ZNF407: variants seen among roughly 807,000 people sequenced by gnomAD.
The protein encoded by ZNF407 is zinc finger protein 407.
Under a neutral mutation model 131.2 loss-of-function variants are expected in ZNF407, and 17 were observed. The ratio of observed to expected loss-of-function variants is 0.13; its 90% confidence interval spans 0.09 to 0.19. The LOEUF (loss-of-function observed/expected upper bound fraction) is 0.19, where lower values mean the gene tolerates loss of function less well. ZNF407 is among the 10% of genes least tolerant of loss of function. The probability of loss-of-function intolerance (pLI) is 1.00; values close to 1 mark genes in which losing one functional copy is unlikely to be tolerated. For missense variants in ZNF407, 2,681 were observed against 2,830.6 expected (o/e 0.95, Z 1.20); for synonymous variants, 1,156 against 1,062.0 (o/e 1.09, Z -1.72).
rs1444346162 is a variant in ZNF407 at position 75,064,603 on chromosome 18, T to G, written c.*135T>G. ...GCTCCCGTGAGCTCTGAGCATGCCC[T>G]CCCAGCGAGAGTCACACTGGCCACC... On this transcript the variant is annotated 3_prime_UTR_variant, in exon 9 of 9. Transcript: ENST00000299687. 10 of 813,948 alleles carry G rather than the reference T, an allele frequency of 1.2e-5. No individual in the cohort carries two copies. Among genetic ancestry groups the G allele is most frequent in the Admixed American group, 3.2e-5 (1 of 30,922 alleles). The allele number at this position is 813,948 out of a possible 1,614,324, so 50.4% of individuals were successfully genotyped here.
chr18:74,736,020 G>A (rs1968403324), intron 3 of ZNF407, among the ~76,000 whole-genome samples: 1 of 152,208 alleles, frequency 6.6e-6, no homozygotes, highest in Admixed American at 6.5e-5. Flanking sequence ...CTTGCAGAAT[G>A]CAAGGAAAAG....
chr18:75,063,665 C>T lies in ZNF407; in HGVS notation c.5944C>T (p.Pro1982Ser), dbSNP rs1973669401. The T allele has an allele frequency of 1.2e-6, 2 of 1,607,406 alleles. No individual in the cohort carries two copies. The highest frequency in any genetic ancestry group is 1.3e-5 in the African/African-American group (1 of 74,792). ...ILNLSEAGVAPPEASSALDAL... is the reference protein window; with the variant it reads ...ILNLSEAGVASPEASSALDAL... ...AAACCTCTCGGAGGCTGGAGTCGCT[C>T]CCCCCGAGGCATCCTCAGCCCTGGA... is the stretch of plus-strand genomic sequence containing the variant. Residue 1982 changes from proline to serine, a missense_variant, in exon 9 of 9, where the codon CCC becomes TCC. Pro to Ser is a moderately conservative substitution (Grantham distance 74). This residue lies in a region of ZNF407 where 620 missense variants were observed against 583.1 expected (regional missense o/e 1.06). Coordinates refer to ENST00000299687, the MANE Select transcript of ZNF407 (RefSeq NM_017757.3). The surrounding 1 kb of genome is among the most constrained non-coding windows in gnomAD (Gnocchi z 6.6).
chr18:74,644,699 C>A (rs533522), intron 3 of ZNF407, among the ~76,000 whole-genome samples: 6,772 of 151,954 alleles, frequency 0.045, 487 homozygotes, highest in African/African-American at 0.15. Context: ...CCTTATCCTT[C>A]TTATCCCCAT....
chr18:74,867,690 G>C (rs150705836), intron 4 of ZNF407, among the ~76,000 whole-genome samples: 3 of 152,186 alleles, frequency 2.0e-5, no homozygotes, highest in South Asian at 4.1e-4. Flanking sequence ...ATTCTATGCA[G>C]ATATACCGTG....
At chr18:74,743,851 T>C (rs1466987091) in intron 3 of ZNF407, among the ~76,000 whole-genome samples, 2 of 152,204 alleles carry the variant, frequency 1.3e-5, no homozygotes, top group Admixed American at 6.5e-5. Flanking sequence ...GAAATTGTGA[T>C]GTGTTTTAGA....
intron 4 of ZNF407, among the ~76,000 whole-genome samples, chr18:74,861,973 T>C (rs1426939263): frequency 6.6e-6 from 1 of 152,218 alleles, no homozygotes; most frequent in Non-Finnish European, 1.5e-5. Context: ...TCATAGGTGC[T>C]TAGTGAGAAT....
chr18:74,978,955 C>T (rs938565155), intron 8 of ZNF407, among the ~76,000 whole-genome samples: 14 of 151,944 alleles, frequency 9.2e-5, no homozygotes, highest in African/African-American at 3.1e-4. Context: ...GGGCTGTGGG[C>T]GGCAAATGAG....
intron 8 of ZNF407, among the ~76,000 whole-genome samples, chr18:74,951,339 T>G (rs1015903513): frequency 3.9e-5 from 6 of 152,210 alleles, no homozygotes; most frequent in African/African-American, 1.4e-4. Flanking sequence ...AGCCCTTCAC[T>G]TTCTCTCCTC....
intron 3 of ZNF407, among the ~76,000 whole-genome samples, chr18:74,676,655 C>A (rs752727898): frequency 1.3e-5 from 2 of 151,740 alleles, no homozygotes; most frequent in Non-Finnish European, 2.9e-5. Flanking sequence ...AGGATGGTCT[C>A]GATCTCCTGA....
rs766040532 is a variant in ZNF407, at chr18:75,064,410, C to G, written c.6689C>G (p.Ser2230Cys). The change falls in exon 9 of 9, where the codon TCC (serine) becomes TGC (cysteine). Residue 2230 changes from serine (S) to cysteine (C), a missense_variant. Transcript: ENST00000299687. ...GTGGTCATCTACACCCAGGAGGGCT[C>G]CTCGGCCGCGGCGGCAATTCAGAGC... ...ASVVIYTQEG[S>C]SAAAAIQSQR... is the part of the protein sequence containing the mutation. The G allele has an allele frequency of 3.9e-6, 6 of 1,534,284 alleles. No individual in the cohort carries two copies. In the East Asian group the frequency reaches 1.2e-4, roughly 30 times the overall value.
At chr18:74,968,707 G>T (rs940105580) in intron 8 of ZNF407, among the ~76,000 whole-genome samples, 2 of 152,078 alleles carry the variant, frequency 1.3e-5, no homozygotes, top group Non-Finnish European at 2.9e-5. Context: ...TTGATTTCAA[G>T]ATTTTTTTCT....
chr18:74,788,834 T>C (rs1969771543), intron 4 of ZNF407, among the ~76,000 whole-genome samples: 5 of 149,620 alleles, frequency 3.3e-5, no homozygotes, highest in Admixed American at 2.7e-4. Flanking sequence ...AAAATAAATA[T>C]TTTATTAATA....
chr18:74,742,228 C>T (rs1049214910), intron 3 of ZNF407, among the ~76,000 whole-genome samples: 6 of 152,128 alleles, frequency 3.9e-5, no homozygotes, highest in Non-Finnish European at 5.9e-5. Flanking sequence ...AATGAAGGAA[C>T]TATTACATAA....
chr18:74,711,141 G>C (rs545101260), intron 3 of ZNF407, among the ~76,000 whole-genome samples: 9 of 152,224 alleles, frequency 5.9e-5, no homozygotes, highest in African/African-American at 2.2e-4. Context: ...GGGCTATTAA[G>C]CTTCAAAATA....
intron 8 of ZNF407, among the ~76,000 whole-genome samples, chr18:75,024,310 A>G (rs914169847): frequency 6.6e-6 from 1 of 152,166 alleles, no homozygotes; most frequent in African/African-American, 2.4e-5. Flanking sequence ...CTGTTCCTTT[A>G]TCATCTATGT....
chr18:74,868,475 AAAG>A (rs1252476195), intron 4 of ZNF407, among the ~76,000 whole-genome samples: 8 of 152,248 alleles, frequency 5.3e-5, no homozygotes, highest in Non-Finnish European at 1.2e-4. Flanking sequence ...AACGAAAAAC[AAAG>A]AAGAGATTGT....
intron 1 of ZNF407, among the ~76,000 whole-genome samples, chr18:74,623,414 T>G (rs1364243894): frequency 2.0e-5 from 3 of 152,082 alleles, no homozygotes; most frequent in Non-Finnish European, 4.4e-5. Flanking sequence ...GAGCTGCAGC[T>G]CGCTTCGTAG....
chr18:74,678,838 T>C (rs540373025), intron 3 of ZNF407, among the ~76,000 whole-genome samples: 2 of 152,176 alleles, frequency 1.3e-5, no homozygotes, highest in South Asian at 4.2e-4. Context: ...TTTTGGTGGA[T>C]GAGAAGTTGG....
intron 3 of ZNF407, among the ~76,000 whole-genome samples, chr18:74,765,047 A>G (rs758486888): frequency 6.6e-6 from 1 of 152,192 alleles, no homozygotes; most frequent in Non-Finnish European, 1.5e-5. Context: ...GGACCCACAC[A>G]GTTCCAATTC....
Sources: gnomAD v4.1 joint callset for allele counts (sites outside exome capture counted in the v4.1 genomes callset) on GRCh38, gnomAD v4.1.1 for gene constraint, gnomAD v4.1.1 regional missense constraint, Gnocchi (gnomAD v3.1) non-coding constraint, MANE v1.5 for transcripts, NCBI Gene and HGNC (gene_info 2026-07-23, HGNC 2026-07-21) for gene names.